Variants in DIAPH3 observed in about 807,000 individuals in gnomAD.
The protein encoded by DIAPH3 is diaphanous related formin 3, also known as protein diaphanous homolog 3.
A neutral mutation model predicts 144.3 loss-of-function variants in DIAPH3; 117 were observed. The observed-to-expected ratio is 0.81, with a 90% confidence interval of 0.70 to 0.95. The LOEUF is 0.95. Among genes scored for constraint, DIAPH3 ranks in the 40% least tolerant of loss-of-function variants. The pLI, the probability that DIAPH3 is intolerant of heterozygous loss-of-function variation, is 0.00. For missense variants in DIAPH3, 1,421 were observed against 1,412.7 expected (o/e 1.01, Z -0.09); for synonymous variants, 519 against 488.9 (o/e 1.06, Z -0.81).
chr13:60,105,237 A>C (rs17057633), intron 3 of DIAPH3, among the ~76,000 whole-genome samples: 17,684 of 152,106 alleles, frequency 0.12, 1,102 homozygotes, highest in East Asian at 0.21. Flanking sequence ...ATTTGACTTA[A>C]GATACAACTT....
intron 4 of DIAPH3, among the ~76,000 whole-genome samples, chr13:60,088,397 T>TCC (rs2057822802): frequency 6.6e-6 from 1 of 152,106 alleles, no homozygotes; most frequent in South Asian, 2.1e-4. Flanking sequence ...CTCAAACTTG[T>TCC]CCTCCTTCCC....
chr13:60,147,610 C>G (rs1233953332), intron 1 of DIAPH3, among the ~76,000 whole-genome samples: 1 of 152,146 alleles, frequency 6.6e-6, no homozygotes, highest in African/African-American at 2.4e-5. Context: ...TGGACCAAAC[C>G]AGCACAGAGC....
intron 4 of DIAPH3, among the ~76,000 whole-genome samples, chr13:60,089,840 C>T (rs7324629): frequency 0.049 from 7,424 of 152,204 alleles, 282 homozygotes; most frequent in African/African-American, 0.096. Context: ...CTTAAGGATG[C>T]TCCTTTGAAT....
At chr13:59,710,504 T>C (rs1033004073) in intron 27 of DIAPH3, among the ~76,000 whole-genome samples, 3 of 152,196 alleles carry the variant, frequency 2.0e-5, no homozygotes, top group East Asian at 1.9e-4. Flanking sequence ...ATCTCTCTTA[T>C]TGTTAAACAA....
intron 27 of DIAPH3, among the ~76,000 whole-genome samples, chr13:59,755,288 C>T (rs2037202353): frequency 6.6e-6 from 1 of 151,968 alleles, no homozygotes; most frequent in Admixed American, 6.6e-5. Flanking sequence ...GTAGAATCAC[C>T]CACATGGTGG....
intron 27 of DIAPH3, among the ~76,000 whole-genome samples, chr13:59,719,987 T>C (rs527945837): frequency 2.6e-5 from 4 of 152,196 alleles, no homozygotes; most frequent in Admixed American, 6.5e-5. Context: ...AACTGGATAG[T>C]TGGGAAGGGG....
chr13:59,927,672 A>T (rs1326287121), intron 17 of DIAPH3, among the ~76,000 whole-genome samples: 1 of 152,128 alleles, frequency 6.6e-6, no homozygotes, highest in East Asian at 1.9e-4. Flanking sequence ...CTTACCTGAC[A>T]GTTATTTTCT....
At chr13:59,987,051 G>T (rs1027958984) in intron 12 of DIAPH3, among the ~76,000 whole-genome samples, 2 of 151,806 alleles carry the variant, frequency 1.3e-5, no homozygotes, top group African/African-American at 4.8e-5. Flanking sequence ...CATTATTCAC[G>T]ATAGCAAAGA....
At chr13:60,043,984 G>A (rs2055880182) in intron 4 of DIAPH3, among the ~76,000 whole-genome samples, 1 of 152,048 alleles carries the variant, frequency 6.6e-6, no homozygotes, top group African/African-American at 2.4e-5. Flanking sequence ...AAGTCTGAAG[G>A]AGATAAGACA....
chr13:59,828,294 C>T (rs988473700), intron 24 of DIAPH3, among the ~76,000 whole-genome samples: 3 of 152,110 alleles, frequency 2.0e-5, no homozygotes, highest in Middle Eastern at 3.4e-3. Flanking sequence ...TTTAAAAGAA[C>T]ACATTTCATG....
intron 24 of DIAPH3, among the ~76,000 whole-genome samples, chr13:59,817,103 T>G (rs1399978975): frequency 6.6e-6 from 1 of 151,876 alleles, no homozygotes; most frequent in Non-Finnish European, 1.5e-5. Flanking sequence ...CACTGAAAAA[T>G]GTATTGAGAT....
At chr13:59,731,133 C>T (rs1349289346) in intron 27 of DIAPH3, among the ~76,000 whole-genome samples, 1 of 152,150 alleles carries the variant, frequency 6.6e-6, no homozygotes, top group African/African-American at 2.4e-5. Context: ...GCTTCTGCTG[C>T]TTATCATATC....
chr13:60,153,810 TA>T (rs1437731168), intron 1 of DIAPH3, among the ~76,000 whole-genome samples: 1 of 152,168 alleles, frequency 6.6e-6, no homozygotes, highest in Non-Finnish European at 1.5e-5. Context: ...TTAGTAACAT[TA>T]TTTTTATTAT....
intron 25 of DIAPH3, among the ~76,000 whole-genome samples, chr13:59,802,875 G>A (rs1236505834): frequency 6.7e-6 from 1 of 148,502 alleles, no homozygotes; most frequent in Non-Finnish European, 1.5e-5. Flanking sequence ...TAGTAGAGAC[G>A]GGGTTTCACC....
intron 27 of DIAPH3, among the ~76,000 whole-genome samples, chr13:59,729,866 C>T (rs1340537333): frequency 1.5e-5 from 2 of 130,280 alleles, no homozygotes; most frequent in Non-Finnish European, 3.1e-5. Context: ...GGCTGGAGTG[C>T]AGTGGTGTGA....
intron 27 of DIAPH3, among the ~76,000 whole-genome samples, chr13:59,756,871 T>C (rs1033077992): frequency 6.6e-6 from 1 of 152,130 alleles, no homozygotes; most frequent in Admixed American, 6.5e-5. Flanking sequence ...ACCTACTCAA[T>C]GGCAGCATTG....
chr13:60,113,924 G>A (rs184281045), intron 2 of DIAPH3, among the ~76,000 whole-genome samples: 30 of 152,292 alleles, frequency 2.0e-4, no homozygotes, highest in Middle Eastern at 3.4e-3. Flanking sequence ...AACTGAATGC[G>A]GTAGTAAGCC....
chr13:59,806,844 GATC>G (rs2040223768), intron 25 of DIAPH3, among the ~76,000 whole-genome samples: 3 of 151,734 alleles, frequency 2.0e-5, no homozygotes, highest in African/African-American at 2.4e-5. Context: ...CTTTATTGAA[GATC>G]ATATTTGTCA....
intron 5 of DIAPH3, among the ~76,000 whole-genome samples, chr13:60,019,004 C>G (rs1475068120): frequency 6.6e-6 from 1 of 152,110 alleles, no homozygotes; most frequent in Non-Finnish European, 1.5e-5. Flanking sequence ...AAGCAATAAT[C>G]TCAAGTGTTT....
Sources: allele counts gnomAD v4.1 joint callset (sites outside exome capture counted in the v4.1 genomes callset), GRCh38; gene constraint gnomAD v4.1.1; transcripts MANE v1.5; gene names NCBI Gene and HGNC (gene_info 2026-07-23, HGNC 2026-07-21).